The following CACNA1C variants were observed in gnomAD, a reference collection of about 807,000 sequenced individuals.
CACNA1C encodes voltage-dependent L-type calcium channel subunit alpha-1C.
In CACNA1C, 30 loss-of-function variants were observed where a neutral mutation model predicts 229.0. The ratio of observed to expected loss-of-function variants is 0.13; its 90% confidence interval spans 0.10 to 0.18. CACNA1C has a LOEUF of 0.18. Among genes scored for constraint, CACNA1C ranks in the 10% least tolerant of loss-of-function variants. CACNA1C has a pLI of 1.00. For synonymous variants in CACNA1C, 1,114 were observed against 1,132.5 expected (o/e 0.98, Z 0.33); for missense variants, 1,658 against 2,845.0 (o/e 0.58, Z 9.49).
chr12:2,359,018 C>A (rs2097477312), intron 3 of CACNA1C, among the ~76,000 whole-genome samples: 1 of 152,256 alleles, frequency 6.6e-6, no homozygotes, highest in Non-Finnish European at 1.5e-5. Flanking sequence ...TACTTCCCTT[C>A]TTTCTCCTTC....
intron 5 of CACNA1C, among the ~76,000 whole-genome samples, chr12:2,471,083 C>T (rs1320540740): frequency 1.3e-5 from 2 of 152,162 alleles, no homozygotes; most frequent in Non-Finnish European, 2.9e-5. Flanking sequence ...CTGCTCTCCT[C>T]GGCCTTCCAA....
At chr12:2,572,270 A>G (rs1353142395) in intron 13 of CACNA1C, among the ~76,000 whole-genome samples, 1 of 145,362 alleles carries the variant, frequency 6.9e-6, no homozygotes, top group East Asian at 2.0e-4. Context: ...ACTGCCCTTC[A>G]TATGCAATCG....
chr12:2,126,724 G>C (rs1191748214), intron 3 of CACNA1C, among the ~76,000 whole-genome samples: 1 of 152,200 alleles, frequency 6.6e-6, no homozygotes, highest in African/African-American at 2.4e-5. Context: ...TGAGATGTCA[G>C]ATTTGCCCAT....
intron 22 of CACNA1C, among the ~76,000 whole-genome samples, chr12:2,604,338 C>T (rs748816397): frequency 7.2e-5 from 11 of 152,138 alleles, no homozygotes; most frequent in African/African-American, 1.2e-4. Flanking sequence ...GCCGTCGTTT[C>T]GGGGTGTTGT....
intron 1 of CACNA1C, among the ~76,000 whole-genome samples, chr12:2,017,169 T>C (rs1403262794): frequency 6.6e-6 from 1 of 152,154 alleles, no homozygotes; most frequent in Non-Finnish European, 1.5e-5. Flanking sequence ...AGGGTAATTG[T>C]TAGGAGGAAG....
At chr12:2,189,060 T>TCCAGC (rs1020602502) in intron 3 of CACNA1C, among the ~76,000 whole-genome samples, 2 of 119,932 alleles carry the variant, frequency 1.7e-5, no homozygotes, top group African/African-American at 6.7e-5. Context: ...ACCACTACAC[T>TCCAGC]CCAGCCTGCG....
At chr12:2,509,275 G>T (rs1429809565) in intron 8 of CACNA1C, among the ~76,000 whole-genome samples, 2 of 152,178 alleles carry the variant, frequency 1.3e-5, no homozygotes, top group Non-Finnish European at 2.9e-5. Flanking sequence ...CGTGCCTTGT[G>T]GGTGGGAGCA....
Position 2,236,129 on chromosome 12 carries a change from G to A in CACNA1C, c.477+115699G>A, listed in dbSNP as rs1006737. Among the ~76,000 whole-genome samples the A allele has an allele frequency of 0.35, 53,869 of 152,038 alleles. 10,258 individuals are homozygous for A. Among genetic ancestry groups the A allele is most frequent in the African/African-American group, 0.48 (19,845 of 41,450 alleles). ...AAGTTCCATTCCATCTCAGCCCGAA[G>A]TGTTTTCAGAGCCGGAGACCTCACA... is the stretch of plus-strand genomic sequence containing the variant. On this transcript the variant is annotated intron_variant, in intron 3 of 46. Coordinates refer to ENST00000399655, the MANE Select transcript of CACNA1C (RefSeq NM_000719.7).
rs2069156216 is a variant in CACNA1C at position 2,597,773 on chromosome 12, G to A, written c.2853+484G>A. Among the ~76,000 whole-genome samples the A allele has an allele frequency of 6.6e-6, 1 of 152,186 alleles. No homozygotes were observed. The highest frequency in any genetic ancestry group is 2.1e-4 in the South Asian group (1 of 4,826). ...TGTTGGCTGTGCCAACATTAAGGCT[G>A]CCATTTCACTGGTTGGGGCTGCAGC... is the stretch of plus-strand genomic sequence containing the variant. On this transcript the variant is annotated intron_variant, in intron 21 of 46. Transcript: ENST00000399655. This position sits in a 1 kb window ranked among gnomAD's most constrained non-coding sequence, Gnocchi z 4.3.
At chr12:1,991,555 T>A in intron 1 of CACNA1C, 1 of 249,926 alleles carries the variant, frequency 4.0e-6, no homozygotes, top group Non-Finnish European at 7.8e-6. Flanking sequence ...TTTTCCTTTT[T>A]TTTTTGCACT....
intron 3 of CACNA1C, among the ~76,000 whole-genome samples, chr12:2,221,981 C>G (rs2061571843): frequency 6.6e-6 from 1 of 152,170 alleles, no homozygotes; most frequent in African/African-American, 2.4e-5. Context: ...TATATAACCT[C>G]TATTTACATC....
chr12:2,627,204 AGAG>A (rs1378449129), intron 29 of CACNA1C, among the ~76,000 whole-genome samples: 4 of 152,170 alleles, frequency 2.6e-5, no homozygotes, highest in African/African-American at 9.7e-5. Flanking sequence ...GGGAGCTGAC[AGAG>A]GAGGGCAGAA....
In CACNA1C at chr12:2,354,055, G is replaced by C. The variant is rs2097283756; in HGVS notation, c.478-94921G>C. ...AAATGCCTGCCCAGCGACCACTGCA[G>C]GGTCCCGGGAGCTGGGTGAAAGTGG... On this transcript the variant is annotated intron_variant, in intron 3 of 46. Coordinates refer to ENST00000399655, the MANE Select transcript of CACNA1C (RefSeq NM_000719.7). The surrounding 1 kb of genome is among the most constrained non-coding windows in gnomAD (Gnocchi z 4.6). Among the ~76,000 whole-genome samples, 1 of 152,220 alleles carries C rather than the reference G, an allele frequency of 6.6e-6. No homozygotes were observed. Among genetic ancestry groups the C allele is most frequent in the Non-Finnish European group, 1.5e-5 (1 of 68,040 alleles).
intron 30 of CACNA1C, among the ~76,000 whole-genome samples, chr12:2,645,606 C>T (rs893848909): frequency 6.6e-6 from 1 of 152,142 alleles, no homozygotes; most frequent in African/African-American, 2.4e-5. Flanking sequence ...CTAAGGATGA[C>T]GTGGGATCAT....
intron 30 of CACNA1C, chr12:2,641,632 G>T: frequency 3.0e-6 from 2 of 668,590 alleles, no homozygotes; most frequent in Admixed American, 2.1e-5. Flanking sequence ...GTTTCAAAAT[G>T]AAGTGATTCC....
At chr12:2,569,731 A>G (rs759902978) in intron 13 of CACNA1C, among the ~76,000 whole-genome samples, 1 of 152,198 alleles carries the variant, frequency 6.6e-6, no homozygotes, top group Non-Finnish European at 1.5e-5. Context: ...TTTGGCTCCT[A>G]TGAATAATGC....
intron 9 of CACNA1C, among the ~76,000 whole-genome samples, chr12:2,546,569 G>A (rs1481797546): frequency 6.6e-6 from 1 of 152,150 alleles, no homozygotes; most frequent in African/African-American, 2.4e-5. Flanking sequence ...CCATGCAGTG[G>A]CAGGTGTCTT....
chr12:2,245,135 C>T (rs930131872), intron 3 of CACNA1C, among the ~76,000 whole-genome samples: 6 of 152,150 alleles, frequency 3.9e-5, no homozygotes, highest in Non-Finnish European at 8.8e-5. Flanking sequence ...CCGCGCTGAT[C>T]GTGAGAGCAA....
At chr12:2,096,724 A>G (rs1282872187) in intron 1 of CACNA1C, among the ~76,000 whole-genome samples, 1 of 152,196 alleles carries the variant, frequency 6.6e-6, no homozygotes, top group African/African-American at 2.4e-5. Context: ...AAAACTTTAT[A>G]ACCATTAACT....
Sources: allele counts gnomAD v4.1 joint callset (sites outside exome capture counted in the v4.1 genomes callset), GRCh38; gene constraint gnomAD v4.1.1; non-coding constraint Gnocchi (gnomAD v3.1); transcripts MANE v1.5; gene names NCBI Gene and HGNC (gene_info 2026-07-23, HGNC 2026-07-21).